CNTLN: variants seen among roughly 807,000 people sequenced by gnomAD.
The protein encoded by CNTLN is centlein, also known as centlein, centrosomal protein.
A neutral mutation model predicts 180.0 loss-of-function variants in CNTLN; 212 were observed. The observed-to-expected ratio is 1.18, with a 90% CI of 1.05 to 1.32. CNTLN has a LOEUF of 1.32. CNTLN is among the 40% of genes most tolerant of loss of function. CNTLN has a pLI of 0.00. For synonymous variants in CNTLN, 722 were observed against 563.1 expected (o/e 1.28, Z -3.99); for missense variants, 2,095 against 1,610.9 (o/e 1.30, Z -5.14).
intron 12 of CNTLN, among the ~76,000 whole-genome samples, chr9:17,360,306 C>T (rs1460426059): frequency 5.9e-5 from 9 of 152,118 alleles, no homozygotes; most frequent in Non-Finnish European, 1.5e-5. Flanking sequence ...TCGGATTTTG[C>T]AGTTGGGGAG....
At chr9:17,211,779 T>G (rs1587167156) in intron 2 of CNTLN, among the ~76,000 whole-genome samples, 1 of 152,184 alleles carries the variant, frequency 6.6e-6, no homozygotes, top group South Asian at 2.1e-4. Context: ...ACATCCCTTG[T>G]AAGTTGGATT....
intron 15 of CNTLN, among the ~76,000 whole-genome samples, chr9:17,405,581 A>C (rs1345962612): frequency 6.6e-6 from 1 of 151,568 alleles, no homozygotes; most frequent in Admixed American, 6.6e-5. Flanking sequence ...TCATGATCTA[A>C]TCACCTCTTA....
intron 12 of CNTLN, among the ~76,000 whole-genome samples, chr9:17,346,646 T>A (rs1821925042): frequency 6.6e-6 from 1 of 152,226 alleles, no homozygotes; most frequent in African/African-American, 2.4e-5. Context: ...TTGCTTTCAA[T>A]CATTTTTCCT....
chr9:17,384,282 A>C (rs1825503639), intron 13 of CNTLN, among the ~76,000 whole-genome samples: 1 of 61,496 alleles, frequency 1.6e-5, no homozygotes, highest in Non-Finnish European at 4.3e-5. Flanking sequence ...ATTTACAATA[A>C]ATAAAATGAA....
intron 7 of CNTLN, among the ~76,000 whole-genome samples, chr9:17,307,353 C>T (rs1001056512): frequency 4.6e-5 from 7 of 152,078 alleles, no homozygotes; most frequent in Non-Finnish European, 7.4e-5. Flanking sequence ...ACTGCAGCCT[C>T]GACCTCCTGG....
At chr9:17,292,634 T>A (rs1829490338) in intron 6 of CNTLN, among the ~76,000 whole-genome samples, 1 of 152,200 alleles carries the variant, frequency 6.6e-6, no homozygotes. Context: ...TCTCAGGTTG[T>A]GTTTTTCAAC....
At chr9:17,259,187 T>C (rs1437275633) in intron 5 of CNTLN, among the ~76,000 whole-genome samples, 1 of 149,308 alleles carries the variant, frequency 6.7e-6, no homozygotes, top group East Asian at 2.0e-4. Flanking sequence ...GCATGAAGGG[T>C]TGTTGAATTT....
At chr9:17,182,083 G>A (rs548736330) in intron 2 of CNTLN, among the ~76,000 whole-genome samples, 1 of 152,230 alleles carries the variant, frequency 6.6e-6, no homozygotes, top group South Asian at 2.1e-4. Context: ...GGAGGCTGGG[G>A]AGCCTCATTA....
intron 10 of CNTLN, among the ~76,000 whole-genome samples, chr9:17,338,337 G>GTTTTGTTT (rs1821206719): frequency 1.0e-5 from 1 of 100,440 alleles, no homozygotes; most frequent in East Asian, 3.3e-4. Flanking sequence ...GCTAATTTTT[G>GTTTTGTTT]TTTTTTTTTT....
intron 8 of CNTLN, among the ~76,000 whole-genome samples, chr9:17,316,668 A>G (rs1486636149): frequency 1.3e-5 from 2 of 151,992 alleles, no homozygotes; most frequent in Non-Finnish European, 2.9e-5. Flanking sequence ...GTAAGATATA[A>G]ATCTGCAATT....
chr9:17,140,135 C>CG (rs1026049507), intron 1 of CNTLN, among the ~76,000 whole-genome samples: 45 of 151,298 alleles, frequency 3.0e-4, no homozygotes, highest in African/African-American at 4.4e-4. Context: ...TGTGTTTTTT[C>CG]GGGGGGGGAC....
intron 23 of CNTLN, among the ~76,000 whole-genome samples, chr9:17,473,461 CACTT>C (rs1380814014): frequency 6.6e-6 from 1 of 152,094 alleles, no homozygotes; most frequent in African/African-American, 2.4e-5. Context: ...GCTAATACCT[CACTT>C]TGCACACTGG....
intron 4 of CNTLN, 124 bp downstream of exon 4, chr9:17,235,916 C>T (rs1157991327): frequency 4.5e-6 from 4 of 881,912 alleles, no homozygotes; most frequent in African/African-American, 1.8e-5. Flanking sequence ...CCCTCCTGTA[C>T]CATACAGTTT....
rs80046777 is a variant in CNTLN at position 17,301,094 on chromosome 9, G to A, written c.1146+2742G>A. On this transcript the variant is annotated intron_variant, in intron 7 of 25. Coordinates refer to ENST00000380647, the MANE Select transcript of CNTLN (RefSeq NM_017738.4). The stretch of plus-strand genomic sequence containing the variant: ...GATAAAGAAAGCTCTCCTTGATGGT[G>A]TCATACCAGTAATACTTTGCTGAGA... The A allele has an allele frequency of 2.7e-5, 27 of 985,360 alleles. No individual in the cohort carries two copies. In the East Asian group the frequency reaches 1.8e-3, roughly 66 times the overall value. 61.0% of individuals were successfully genotyped at this position (985,360 alleles called of 1,614,324 possible).
intron 1 of CNTLN, among the ~76,000 whole-genome samples, chr9:17,135,993 C>G (rs1375786309): frequency 6.6e-6 from 1 of 152,160 alleles, no homozygotes; most frequent in Non-Finnish European, 1.5e-5. Context: ...TATTAACCAG[C>G]TATGGTAATT....
At chr9:17,458,060 T>A (rs966848281) in intron 19 of CNTLN, among the ~76,000 whole-genome samples, 20 of 151,948 alleles carry the variant, frequency 1.3e-4, no homozygotes, top group African/African-American at 4.6e-4. Flanking sequence ...ACAGAATTGC[T>A]TTTCTCTACA....
At chr9:17,238,668 T>A (rs1825302835) in intron 5 of CNTLN, among the ~76,000 whole-genome samples, 3 of 152,208 alleles carry the variant, frequency 2.0e-5, no homozygotes, top group Admixed American at 1.3e-4. Context: ...TTCCAACATC[T>A]TCTGTGTCAT....
intron 25 of CNTLN, among the ~76,000 whole-genome samples, chr9:17,495,534 G>A (rs899557167): frequency 2.6e-5 from 4 of 152,090 alleles, no homozygotes; most frequent in Admixed American, 2.6e-4. Context: ...CAGCTGTACA[G>A]TATGTTTATG....
chr9:17,136,512 G>C (rs1046391168), intron 1 of CNTLN, among the ~76,000 whole-genome samples: 1 of 152,156 alleles, frequency 6.6e-6, no homozygotes, highest in Admixed American at 6.5e-5. Flanking sequence ...TGTATTTTTA[G>C]TAGAGATGGG....
Sources: allele counts gnomAD v4.1 joint callset (sites outside exome capture counted in the v4.1 genomes callset), GRCh38; gene constraint gnomAD v4.1.1; transcripts MANE v1.5; gene names NCBI Gene and HGNC (gene_info 2026-07-23, HGNC 2026-07-21).